NUP210: variants seen among roughly 807,000 people sequenced by gnomAD.
NUP210 encodes nucleoporin 210, also known as nuclear pore membrane glycoprotein 210.
NUP210 carries 151 observed loss-of-function variants against 196.0 expected under a neutral mutation model. That is an observed-to-expected ratio of 0.77 (90% CI 0.67 to 0.88). NUP210 has a LOEUF of 0.88. NUP210 is among the 40% of genes least tolerant of loss of function. The pLI is 0.00. For missense variants in NUP210, 2,314 were observed against 2,493.7 expected (o/e 0.93, Z 1.53); for synonymous variants, 1,070 against 1,052.7 (o/e 1.02, Z -0.32).
At chr3:13,413,707 C>T (rs1700252891) in intron 1 of NUP210, among the ~76,000 whole-genome samples, 1 of 152,066 alleles carries the variant, frequency 6.6e-6, no homozygotes. Flanking sequence ...TAGGGAGTTG[C>T]TATTTAATGG....
rs1697999373 is a variant in NUP210 at position 13,352,139 on chromosome 3, C to G, written c.2674G>C (p.Val892Leu). The G allele has an allele frequency of 6.2e-7, 1 of 1,614,020 alleles. No homozygotes were observed. ...PLSASIELIL[V>L]EDVRVSPEEV... ...TCTGGGCTCACCCTCACGTCCTCCA[C>G]CAGGATGAGCTCTATGGAGGCCGAC... The change falls in exon 19 of 40, where the codon GTG (valine) becomes CTG (leucine). Residue 892 changes from valine (V) to leucine (L), a missense_variant. Transcript: ENST00000254508.
chr3:13,403,861 T>C (rs1046022987), intron 1 of NUP210, among the ~76,000 whole-genome samples: 1 of 152,112 alleles, frequency 6.6e-6, no homozygotes, highest in African/African-American at 2.4e-5. Flanking sequence ...GATCCCTGCA[T>C]CCCCTCTTCA....
chr3:13,374,756 C>T (rs947055187), intron 11 of NUP210, among the ~76,000 whole-genome samples: 3 of 152,182 alleles, frequency 2.0e-5, no homozygotes, highest in African/African-American at 7.2e-5. Context: ...TCAGCGACTG[C>T]ACCTCTGCTC....
chr3:13,321,870 T>C (rs1475532341), intron 35 of NUP210, 35 bp from the exon 36 acceptor site: 5 of 1,590,756 alleles, frequency 3.1e-6, no homozygotes, highest in Non-Finnish European at 4.3e-6. Flanking sequence ...TTGTCCCCTC[T>C]CCTGCCCGTG....
At chr3:13,393,200 C>T (rs1433868616) in intron 3 of NUP210, among the ~76,000 whole-genome samples, 2 of 152,162 alleles carry the variant, frequency 1.3e-5, no homozygotes, top group East Asian at 3.9e-4. Flanking sequence ...ATTGAGAAAG[C>T]ACCCCCATGA....
Position 13,340,093 on chromosome 3 carries a change from CCACT to C in NUP210, c.3292-64_3292-61del. On this transcript the variant is annotated intron_variant, in intron 24 of 39. Transcript: ENST00000254508. This position sits in a 1 kb window ranked among gnomAD's most constrained non-coding sequence, Gnocchi z 4.0. ...CGTCATGCCAGGCAGCCCGCACCTC[CCACT>C]CAGAGAGCCAGGGCCCCAGTGCAGG... 3.1e-6 allele frequency: 5 copies of C among 1,602,250 alleles called. No homozygotes were observed. The highest frequency in any genetic ancestry group is 1.1e-5 in the South Asian group (1 of 90,190).
intron 1 of NUP210, among the ~76,000 whole-genome samples, chr3:13,406,380 C>A (rs967073813): frequency 1.3e-5 from 2 of 152,212 alleles, no homozygotes; most frequent in Non-Finnish European, 2.9e-5. Context: ...AGAGGAACCA[C>A]TGGAAGAGGC....
In NUP210 at chr3:13,347,081, T is replaced by G. The variant is rs749176199; in HGVS notation, c.2836-3778A>C. Reference sequence around the variant, plus strand: ...CCACTCCCCACTCATCCTGGACACATGTCCTCACCTGAACAATGGCCCCAT... The same window carrying G: ...CCACTCCCCACTCATCCTGGACACAGGTCCTCACCTGAACAATGGCCCCAT... On this transcript the variant is annotated intron_variant, in intron 20 of 39. Coordinates refer to ENST00000254508, the MANE Select transcript of NUP210 (RefSeq NM_024923.4). The surrounding 1 kb of genome is among the most constrained non-coding windows in gnomAD (Gnocchi z 4.7). 4.4e-5 allele frequency: 43 copies of G among 985,284 alleles called. No homozygotes were observed. Among genetic ancestry groups the G allele is most frequent in the Non-Finnish European group, 4.9e-5 (41 of 829,912 alleles). 61.0% of individuals were successfully genotyped at this position (985,284 alleles called of 1,614,324 possible).
intron 6 of NUP210, among the ~76,000 whole-genome samples, chr3:13,380,687 C>T (rs1043033939): frequency 6.6e-5 from 10 of 152,210 alleles, no homozygotes; most frequent in African/African-American, 2.4e-4. Flanking sequence ...CAGCAGACAA[C>T]ATCTCTGCTT....
At chr3:13,401,100 A>C (rs1432235975) in intron 1 of NUP210, among the ~76,000 whole-genome samples, 3 of 151,866 alleles carry the variant, frequency 2.0e-5, no homozygotes. Flanking sequence ...TCTACTAAAA[A>C]TACAAAAAAT....
intron 6 of NUP210, among the ~76,000 whole-genome samples, chr3:13,381,420 C>CTTTT (rs10644995): frequency 7.4e-4 from 100 of 134,434 alleles, no homozygotes; most frequent in Non-Finnish European, 1.4e-3. Flanking sequence ...CTTTTCTTTT[C>CTTTT]TTTTTTTTTT....
intron 16 of NUP210, among the ~76,000 whole-genome samples, chr3:13,355,786 C>T (rs1359398627): frequency 6.6e-6 from 1 of 152,166 alleles, no homozygotes; most frequent in Non-Finnish European, 1.5e-5. Context: ...GCTGTAGGGA[C>T]CTATCCTAGG....
At position 13,347,617 on chromosome 3, in the gene NUP210, C is replaced by T. The variant is rs948396041; in HGVS notation, c.2835+4262G>A. On this transcript the variant is annotated intron_variant, in intron 20 of 39. Transcript: ENST00000254508. The surrounding 1 kb of genome is among the most constrained non-coding windows in gnomAD (Gnocchi z 4.7). The stretch of plus-strand genomic sequence containing the variant: ...GAGACACTCCAAAGCCACACATTCC[C>T]GCAAGCCATCCTTCCGTGCTGAATA... Among the ~76,000 whole-genome samples, 13 of 152,112 alleles carry T rather than the reference C, an allele frequency of 8.5e-5. No homozygotes were observed. Among genetic ancestry groups the T allele is most frequent in the African/African-American group, 4.8e-5 (2 of 41,408 alleles).
chr3:13,366,664 T>C (rs1434954222), intron 13 of NUP210, among the ~76,000 whole-genome samples: 1 of 151,574 alleles, frequency 6.6e-6, no homozygotes, highest in Non-Finnish European at 1.5e-5. Context: ...ATTAGAGGCA[T>C]GCGCCACCAC....
intron 36 of NUP210, 51 bp from the exon 37 acceptor site, chr3:13,320,030 C>T (rs771035902): frequency 6.4e-7 from 1 of 1,553,386 alleles, no homozygotes; most frequent in Admixed American, 1.7e-5. Context: ...GTGGGGGGAC[C>T]ACTGAGCGGG....
chr3:13,347,579 A>C lies in NUP210; in HGVS notation c.2836-4276T>G, dbSNP rs1373907219. On this transcript the variant is annotated intron_variant, in intron 20 of 39. Coordinates refer to ENST00000254508, the MANE Select transcript of NUP210 (RefSeq NM_024923.4). This position sits in a 1 kb window ranked among gnomAD's most constrained non-coding sequence, Gnocchi z 4.7. ...ACAGGACCCCTGCTGCGTGAGCCCC[A>C]GAGAGCCCCCCAGAGACACTCCAAA... is the stretch of plus-strand genomic sequence containing the variant. 6.6e-6 allele frequency among the ~76,000 whole-genome samples: 1 copy of C among 152,134 alleles called. No homozygotes were observed. The highest frequency in any genetic ancestry group is 1.5e-5 in the Non-Finnish European group (1 of 68,026).
intron 16 of NUP210, 83 bp downstream of exon 16, chr3:13,358,139 C>T (rs1351894654): frequency 3.8e-6 from 5 of 1,307,972 alleles, no homozygotes; most frequent in South Asian, 1.4e-5. Context: ...TTGCAATGCT[C>T]GGGACCATGG....
chr3:13,389,463 C>A (rs1699409792), intron 4 of NUP210, among the ~76,000 whole-genome samples: 1 of 152,170 alleles, frequency 6.6e-6, no homozygotes, highest in Non-Finnish European at 1.5e-5. Flanking sequence ...GAGGCTGAGG[C>A]TCAGGTGGGT....
chr3:13,318,774 G>A (rs1334742368), intron 39 of NUP210, among the ~76,000 whole-genome samples: 1 of 152,202 alleles, frequency 6.6e-6, no homozygotes, highest in Non-Finnish European at 1.5e-5. Context: ...AGCCTTCTGA[G>A]GCAGCCTCAG....
Sources: gnomAD v4.1 joint callset for allele counts (sites outside exome capture counted in the v4.1 genomes callset) on GRCh38, gnomAD v4.1.1 for gene constraint, Gnocchi (gnomAD v3.1) non-coding constraint, MANE v1.5 for transcripts, NCBI Gene and HGNC (gene_info 2026-07-23, HGNC 2026-07-21) for gene names.